The following CTBP2 variants were observed in gnomAD, a reference collection of about 807,000 sequenced individuals.
The protein encoded by CTBP2 is C-terminal binding protein 2, also known as C-terminal-binding protein 2.
A neutral mutation model predicts 80.3 loss-of-function variants in CTBP2; 30 were observed. The ratio of observed to expected loss-of-function variants is 0.37; its 90% CI spans 0.28 to 0.51. CTBP2 has a LOEUF of 0.51. Among genes scored for constraint, CTBP2 ranks in the 20% least tolerant of loss-of-function variants. The pLI is 0.93. For synonymous variants in CTBP2, 594 were observed against 587.4 expected, an observed-to-expected ratio of 1.01 and a Z score of -0.16; for missense variants, 1,212 against 1,375.3, an observed-to-expected ratio of 0.88 and a Z score of 1.88.
chr10:125,008,165 C>T (rs1006884762), intron 1 of CTBP2, among the ~76,000 whole-genome samples: 2 of 152,158 alleles, frequency 1.3e-5, no homozygotes, highest in African/African-American at 2.4e-5. Flanking sequence ...AGGCTGGCTT[C>T]GAACCCCTGA....
At chr10:125,159,596 C>T (rs1268495812) in intron 1 of CTBP2, among the ~76,000 whole-genome samples, 1 of 150,486 alleles carries the variant, frequency 6.6e-6, no homozygotes, top group East Asian at 2.0e-4. Flanking sequence ...CCTTTCCCGT[C>T]TTTCACTTGC....
chr10:125,132,636 CACATCCGT>C (rs1856370733), intron 1 of CTBP2, among the ~76,000 whole-genome samples: 1 of 152,188 alleles, frequency 6.6e-6, no homozygotes, highest in Non-Finnish European at 1.5e-5. Context: ...CCAGTATTCG[CACATCCGT>C]ACAGACTGCA....
chr10:125,060,440 G>A (rs1325173669), intron 2 of CTBP2, among the ~76,000 whole-genome samples: 1 of 151,216 alleles, frequency 6.6e-6, no homozygotes, highest in East Asian at 2.0e-4. Context: ...TTAACTACTG[G>A]TCATGATATT....
chr10:125,120,905 A>G (rs1162677682), intron 1 of CTBP2, among the ~76,000 whole-genome samples: 1 of 152,230 alleles, frequency 6.6e-6, no homozygotes, highest in Admixed American at 6.5e-5. Context: ...TGAAGTTAGT[A>G]AAATTAAGGT....
In CTBP2 at chr10:124,987,103, T is replaced by C. The variant is rs1440269160; in HGVS notation, c.*2415A>G. 3.9e-5 allele frequency: 6 copies of C among 152,662 alleles called. No homozygotes were observed. Among genetic ancestry groups the C allele is most frequent in the African/African-American group, 1.2e-4 (5 of 41,462 alleles). The allele number at this position is 152,662 out of a possible 1,614,324, so 9.5% of individuals were successfully genotyped here. A position where few individuals can be genotyped will look rare whatever the true frequency, so the allele number is the denominator to read the frequency against. The stretch of plus-strand genomic sequence containing the variant: ...GGAATGGGGCTCTAAATGGTTTTCA[T>C]AGACTGGCTGTTAAAGGCCAAAAAT... On this transcript the variant is annotated 3_prime_UTR_variant, in exon 9 of 9. Transcript: ENST00000309035.
chr10:125,122,757 G>A (rs1388753342), intron 1 of CTBP2: 1 of 152,160 alleles, frequency 6.6e-6, no homozygotes, highest in Non-Finnish European at 1.5e-5. Flanking sequence ...GAGACGCGAC[G>A]AGGTAAGAGG....
chr10:125,010,395 T>G (rs1186744137), intron 1 of CTBP2, among the ~76,000 whole-genome samples: 1 of 152,192 alleles, frequency 6.6e-6, no homozygotes, highest in Non-Finnish European at 1.5e-5. Flanking sequence ...GATTTCATTT[T>G]ACAGTCTCAG....
chr10:125,002,886 T>C, intron 3 of CTBP2, 74 bp downstream of exon 5: 1 of 1,569,414 alleles, frequency 6.4e-7, no homozygotes, highest in South Asian at 1.1e-5. Flanking sequence ...TTCCAGCTGC[T>C]TCTCCAAGCC....
chr10:125,094,600 G>C (rs1249172692), intron 2 of CTBP2, among the ~76,000 whole-genome samples: 1 of 152,120 alleles, frequency 6.6e-6, no homozygotes, highest in East Asian at 1.9e-4. Flanking sequence ...CTCTCAAGCA[G>C]GGGACACTGG....
At chr10:125,088,565 C>G (rs1848331530) in intron 2 of CTBP2, among the ~76,000 whole-genome samples, 2 of 152,132 alleles carry the variant, frequency 1.3e-5, no homozygotes, top group African/African-American at 4.8e-5. Flanking sequence ...AATGGACAAG[C>G]TGAAATCACC....
At chr10:125,150,912 T>TA (rs1859726757) in intron 1 of CTBP2, among the ~76,000 whole-genome samples, 1 of 148,192 alleles carries the variant, frequency 6.7e-6, no homozygotes, top group Admixed American at 6.9e-5. Flanking sequence ...ACAGACTCAC[T>TA]ATGTCCAGGA....
At chr10:125,022,211 C>T (rs995018707) in intron 1 of CTBP2, among the ~76,000 whole-genome samples, 2 of 152,040 alleles carry the variant, frequency 1.3e-5, no homozygotes, top group Non-Finnish European at 2.9e-5. Flanking sequence ...CACACACATG[C>T]GCTGTAGGGA....
chr10:125,082,227 CA>C (rs1250282054), intron 2 of CTBP2, among the ~76,000 whole-genome samples: 2 of 152,250 alleles, frequency 1.3e-5, no homozygotes, highest in African/African-American at 4.8e-5. Context: ...ACACTGTCTT[CA>C]AAATCCCCAT....
intron 2 of CTBP2, among the ~76,000 whole-genome samples, chr10:125,076,358 A>G (rs1846271723): frequency 6.6e-6 from 1 of 152,186 alleles, no homozygotes; most frequent in African/African-American, 2.4e-5. Flanking sequence ...GAGCACGGCC[A>G]TCGCCCAGTC....
At position 125,067,797 on chromosome 10, in the gene CTBP2, C is replaced by G. The variant is rs537426359; in HGVS notation, c.-101-28642G>C. ...CTGACCTGTACACTGACCCAAGCATCAAGTCCCATGGGCAGGGCCCATGGT... is the reference window on the plus strand; with the variant it reads ...CTGACCTGTACACTGACCCAAGCATGAAGTCCCATGGGCAGGGCCCATGGT... On this transcript the variant is annotated intron_variant, in intron 2 of 10. Coordinates refer to the CTBP2 transcript ENST00000337195. Among the ~76,000 whole-genome samples the G allele has an allele frequency of 2.0e-5, 3 of 152,238 alleles. No individual in the cohort carries two copies. The South Asian group carries it at 6.2e-4, about 31-fold the overall frequency.
At chr10:125,137,323 G>A (rs537915033) in intron 1 of CTBP2, among the ~76,000 whole-genome samples, 3 of 152,184 alleles carry the variant, frequency 2.0e-5, no homozygotes, top group Non-Finnish European at 4.4e-5. Context: ...GAACCCCTCA[G>A]CCTTATTTCC....
In CTBP2 at chr10:125,056,196, G is replaced by GTAA. The variant is rs1161257545; in HGVS notation, c.-101-17044_-101-17042dup. 3.4e-3 allele frequency among the ~76,000 whole-genome samples: 495 copies of GTAA among 147,726 alleles called. 1 individual carries two copies. The highest frequency in any genetic ancestry group is 0.011 in the African/African-American group (419 of 39,754). ...AAAAATAATAATAATAATAATAATAGTAATAATAATAATAATAACTAATAA... is the reference window on the plus strand; with the variant it reads ...AAAAATAATAATAATAATAATAATAGTAATAATAATAATAATAATAACTAATAA... On this transcript the variant is annotated intron_variant, in intron 2 of 10. Coordinates refer to the CTBP2 transcript ENST00000337195.
At chr10:125,053,739 T>C (rs539559411) in intron 2 of CTBP2, among the ~76,000 whole-genome samples, 2 of 152,040 alleles carry the variant, frequency 1.3e-5, no homozygotes, top group South Asian at 4.2e-4. Flanking sequence ...GAGCCGAAGG[T>C]GTAGACGGGT....
intron 1 of CTBP2, among the ~76,000 whole-genome samples, chr10:125,144,406 T>C (rs774914126): frequency 6.6e-6 from 1 of 152,214 alleles, no homozygotes; most frequent in Non-Finnish European, 1.5e-5. Flanking sequence ...ATAATCGCAC[T>C]GCCTCACAAC....
Sources: gnomAD v4.1 joint callset for allele counts (sites outside exome capture counted in the v4.1 genomes callset) on GRCh38, gnomAD v4.1.1 for gene constraint, MANE v1.5 for transcripts, NCBI Gene and HGNC (gene_info 2026-07-23, HGNC 2026-07-21) for gene names.